Variants in DST observed in about 807,000 individuals in gnomAD.
The protein encoded by DST is dystonin.
In DST, 253 loss-of-function variants were observed where a neutral mutation model predicts 875.2. That is an observed-to-expected ratio of 0.29 (90% confidence interval 0.26 to 0.32). The LOEUF (loss-of-function observed/expected upper bound fraction) is 0.32, where lower values mean the gene tolerates loss of function less well. Ranked by LOEUF, DST falls within the 10% of genes least tolerant of loss-of-function variation. The pLI, the probability that DST is intolerant of heterozygous loss-of-function variation, is 1.00. For synonymous variants in DST, 3,124 were observed against 3,197.1 expected (o/e 0.98, Z 0.77); for missense variants, 8,287 against 9,111.6 (o/e 0.91, Z 3.68).
chr6:56,511,314 C>T lies in DST; in HGVS notation c.18663G>A (p.Gly6221=). The change falls in exon 73 of 104, where the codon GGG becomes GGA. Residue 6221 remains glycine (G), a synonymous_variant. Transcript: ENST00000680361. Reference sequence around the variant, plus strand: ...ACTTCTCTTGGATAGAAAAGCCTTCCCCAGGGCTCAATTCCAGTAACTGTG... The same window carrying T: ...ACTTCTCTTGGATAGAAAAGCCTTCTCCAGGGCTCAATTCCAGTAACTGTG... ...TGPQLLELSP[G]EGFSIQEKYV... The T allele has an allele frequency of 6.2e-7, 1 of 1,606,664 alleles. No homozygotes were observed. The highest frequency in any genetic ancestry group is 8.5e-7 in the Non-Finnish European group (1 of 1,176,356).
chr6:56,520,396 C>T (rs1043667236), intron 69 of DST, among the ~76,000 whole-genome samples: 11 of 151,994 alleles, frequency 7.2e-5, no homozygotes, highest in Non-Finnish European at 1.2e-4. Flanking sequence ...ACAAAAGTTA[C>T]GGAGGGTAGG....
chr6:56,596,271 C>T (rs1458026565), intron 47 of DST, among the ~76,000 whole-genome samples: 2 of 152,104 alleles, frequency 1.3e-5, no homozygotes, highest in Non-Finnish European at 2.9e-5. Flanking sequence ...TTGTGATCCA[C>T]CCGCCTCAGC....
chr6:56,772,978 G>C (rs1028024691), intron 4 of DST, among the ~76,000 whole-genome samples: 12 of 152,122 alleles, frequency 7.9e-5, no homozygotes, highest in African/African-American at 2.7e-4. Flanking sequence ...TCTAGGGAAA[G>C]CATGCTGTCA....
rs772685634 is a variant in DST at position 56,603,339 on chromosome 6, G to A, written c.11023C>T (p.Pro3675Ser). Residue 3675 changes from proline (P) to serine (S), a missense_variant, in exon 42 of 104, where the codon CCC becomes TCC. Pro to Ser is a moderately conservative substitution (Grantham distance 74, BLOSUM62 -1). Around this residue, in one of 10 missense-constraint regions of DST, gnomAD observed 3,138 missense variants for 3,116.6 expected, o/e 1.01. Coordinates refer to ENST00000680361, the MANE Select transcript of DST (RefSeq NM_001374736.1). ...ACATGGCCTCTGGGAAAGTCACTGG[G>A]AAGAGACTTTAAAAACTCTTCTGCC... is the stretch of plus-strand genomic sequence containing the variant. ...KLAEEFLKSL[P>S]SDFPRGHVEE... 6.2e-7 allele frequency: 1 copy of A among 1,611,108 alleles called. No individual in the cohort carries two copies. The highest frequency in any genetic ancestry group is 8.5e-7 in the Non-Finnish European group (1 of 1,179,010).
intron 5 of DST, among the ~76,000 whole-genome samples, chr6:56,713,691 T>A (rs2099385701): frequency 6.6e-6 from 1 of 152,130 alleles, no homozygotes; most frequent in South Asian, 2.1e-4. Context: ...CTTCCCGGTG[T>A]CCCTTTCAGA....
intron 53 of DST, among the ~76,000 whole-genome samples, chr6:56,571,297 A>G (rs973187678): frequency 2.6e-5 from 4 of 152,250 alleles, no homozygotes; most frequent in African/African-American, 9.6e-5. Context: ...ATTTGAAAGA[A>G]GAAACAACCT....
chr6:56,727,500 A>C (rs1448439162), intron 5 of DST, among the ~76,000 whole-genome samples: 1 of 152,226 alleles, frequency 6.6e-6, no homozygotes, highest in Non-Finnish European at 1.5e-5. Context: ...AACAAAGTGT[A>C]ATTTTTTTTC....
intron 4 of DST, among the ~76,000 whole-genome samples, chr6:56,839,828 AT>A (rs1231737511): frequency 1.3e-5 from 2 of 152,142 alleles, no homozygotes; most frequent in Non-Finnish European, 2.9e-5. Flanking sequence ...TATACAAGGT[AT>A]TTGTAAAAAA....
At chr6:56,949,540 C>T (rs1821315493) in intron 2 of DST, among the ~76,000 whole-genome samples, 1 of 152,180 alleles carries the variant, frequency 6.6e-6, no homozygotes, top group Admixed American at 6.5e-5. Context: ...CTGTCAAGGG[C>T]AGGGGCTCCA....
At chr6:56,678,656 G>GAA (rs2099142248) in intron 9 of DST, among the ~76,000 whole-genome samples, 1 of 152,172 alleles carries the variant, frequency 6.6e-6, no homozygotes, top group African/African-American at 2.4e-5. Context: ...AGTAGCAGCA[G>GAA]ATGCAGGAAA....
intron 2 of DST, among the ~76,000 whole-genome samples, chr6:56,919,290 T>C (rs1802865702): frequency 1.3e-5 from 2 of 152,284 alleles, no homozygotes; most frequent in South Asian, 4.1e-4. Context: ...AACATTCTCC[T>C]ATACCTTCTA....
rs746717062 is a variant in DST at position 56,607,961 on chromosome 6, C to T, written c.6667G>A (p.Asp2223Asn). The change falls in exon 40 of 104, where the codon GAT becomes AAT. Residue 2223 changes from aspartate (D) to asparagine (N), a missense_variant. This residue lies in a region of DST where 3,138 missense variants were observed against 3,116.6 expected (regional missense o/e 1.01). Coordinates refer to ENST00000680361, the MANE Select transcript of DST (RefSeq NM_001374736.1). ...ANTGQRLLLY[D>N]GDLDEAVGML... The stretch of plus-strand genomic sequence containing the variant: ...CCAACAGCCTCATCCAAGTCTCCAT[C>T]GTACAGCAAAAGCCTTTGCCCTGTG... 5.0e-6 allele frequency: 8 copies of T among 1,613,610 alleles called. No individual in the cohort carries two copies. Among genetic ancestry groups the T allele is most frequent in the Middle Eastern group, 1.6e-4 (1 of 6,062 alleles).
chr6:56,516,137 G>GAA (rs1562498171), intron 71 of DST, among the ~76,000 whole-genome samples: 21 of 84,854 alleles, frequency 2.5e-4, no homozygotes, highest in Non-Finnish European at 4.5e-4. Flanking sequence ...GAGAGGGAGA[G>GAA]AGAGAGAGAG....
rs374344068 is a variant in DST, at chr6:56,616,485, T to C, written c.4930-2001A>G. ...GTTTTCTTGACATTGAGATTGGAAA[T>C]GTTCCTCTCCCCAAATGGAAACAGA... On this transcript the variant is annotated intron_variant, in intron 36 of 103. Coordinates refer to ENST00000680361, the MANE Select transcript of DST (RefSeq NM_001374736.1). The C allele has an allele frequency of 7.4e-6, 12 of 1,614,026 alleles. No homozygotes were observed. The highest frequency in any genetic ancestry group is 1.6e-4 in the Middle Eastern group (1 of 6,082).
Position 56,493,098 on chromosome 6 carries a change from A to G in DST, c.20395-9T>C, listed in dbSNP as rs2095803112. On this transcript the variant is annotated splice_polypyrimidine_tract_variant and intron_variant, in intron 83 of 103. Coordinates refer to ENST00000680361, the MANE Select transcript of DST (RefSeq NM_001374736.1). ...GCCTCTTCCAGTTTAGTCTGCAAGG[A>G]CAGATTGTTTAGTATGTGATGTTTA... 1.2e-6 allele frequency: 2 copies of G among 1,606,576 alleles called. No homozygotes were observed. The highest frequency in any genetic ancestry group is 2.2e-5 in the South Asian group (2 of 89,342).
chr6:56,805,865 G>T (rs953360150), intron 4 of DST, among the ~76,000 whole-genome samples: 34 of 152,214 alleles, frequency 2.2e-4, no homozygotes, highest in African/African-American at 8.0e-4. Context: ...GAAAGGAATA[G>T]AATATTTAGT....
At chr6:56,546,970 A>G (rs1424581634) in intron 61 of DST, among the ~76,000 whole-genome samples, 1 of 152,216 alleles carries the variant, frequency 6.6e-6, no homozygotes, top group Non-Finnish European at 1.5e-5. Context: ...AAAAAATCCT[A>G]CATTATAAAA....
chr6:56,500,141 A>T (rs1441897522), intron 80 of DST, among the ~76,000 whole-genome samples: 1 of 152,160 alleles, frequency 6.6e-6, no homozygotes, highest in Non-Finnish European at 1.5e-5. Context: ...CAGTGCTAAA[A>T]ACCTACCTTT....
At chr6:56,877,523 T>G (rs1019325178) in intron 3 of DST, among the ~76,000 whole-genome samples, 2 of 152,202 alleles carry the variant, frequency 1.3e-5, no homozygotes, top group Non-Finnish European at 2.9e-5. Context: ...GCCGCTGTAC[T>G]CCAGCCTGGG....
Sources: gnomAD v4.1 joint callset for allele counts (sites outside exome capture counted in the v4.1 genomes callset) on GRCh38, gnomAD v4.1.1 for gene constraint, gnomAD v4.1.1 regional missense constraint, MANE v1.5 for transcripts, NCBI Gene and HGNC (gene_info 2026-07-23, HGNC 2026-07-21) for gene names.